ANKMY1: variants seen among roughly 807,000 people sequenced by gnomAD.
ANKMY1 encodes the protein ankyrin repeat and MYND domain-containing protein 1.
A neutral mutation model predicts 102.0 loss-of-function variants in ANKMY1; 98 were observed. The observed-to-expected ratio is 0.96, with a 90% CI of 0.82 to 1.14. The LOEUF is 1.14. ANKMY1 is among the 50% of genes most tolerant of loss of function. The probability of loss-of-function intolerance (pLI) is 0.00; values close to 1 mark genes in which losing one functional copy is unlikely to be tolerated. For synonymous variants in ANKMY1, 582 were observed against 559.9 expected (o/e 1.04, Z -0.56); for missense variants, 1,330 against 1,347.6 (o/e 0.99, Z 0.20).
chr2:240,525,545 T>C, intron 7 of ANKMY1, 140 bp downstream of exon 7: 1 of 1,105,284 alleles, frequency 9.0e-7, no homozygotes. Flanking sequence ...AGGCTCTGTC[T>C]CTCTTGCCCA....
chr2:240,542,780 G>A (rs1454791046), intron 4 of ANKMY1, among the ~76,000 whole-genome samples: 1 of 149,240 alleles, frequency 6.7e-6, no homozygotes, highest in African/African-American at 2.4e-5. Flanking sequence ...TACCAAGTTG[G>A]TTTATAAATA....
the ANKMY1 span, among the ~76,000 whole-genome samples, chr2:240,472,258 TCTACGGCCGCACGCGGGGAGGCAGGCCTA>T: frequency 1.6e-5 from 2 of 124,216 alleles, no homozygotes; most frequent in Non-Finnish European, 3.7e-5. Flanking sequence ...GGCCTACCAA[TCTACGGCCGCACGCGGGGAGGCAGGCCTA>T]CCAATCTACA....
intron 13 of ANKMY1, among the ~76,000 whole-genome samples, chr2:240,504,809 C>T (rs1344214384): frequency 6.6e-6 from 1 of 151,818 alleles, no homozygotes; most frequent in Non-Finnish European, 1.5e-5. Flanking sequence ...GAGTTCGAGA[C>T]CAGCCTGGCC....
intron 15 of ANKMY1, among the ~76,000 whole-genome samples, chr2:240,498,061 G>A (rs561367928): frequency 2.2e-4 from 30 of 139,458 alleles, no homozygotes; most frequent in African/African-American, 7.4e-4. Context: ...ACAAATGGAG[G>A]CCTCACCTTG....
intron 5 of ANKMY1, chr2:240,526,963 T>C: frequency 1.9e-6 from 2 of 1,045,032 alleles, no homozygotes; most frequent in African/African-American, 1.7e-5. Flanking sequence ...CTGTGCATTA[T>C]AGATGCTTCT....
chr2:240,538,761 T>A (rs112819073), intron 4 of ANKMY1, among the ~76,000 whole-genome samples: 1 of 152,082 alleles, frequency 6.6e-6, no homozygotes, highest in Non-Finnish European at 1.5e-5. Flanking sequence ...TGGAGAACTT[T>A]TGTGTCTAGC....
the ANKMY1 span, among the ~76,000 whole-genome samples, chr2:240,471,045 G>C: frequency 6.6e-6 from 1 of 151,904 alleles, no homozygotes; most frequent in African/African-American, 2.4e-5. Flanking sequence ...AAACCGCAAA[G>C]AAACGAAGTT....
At chr2:240,528,905 A>T in intron 5 of ANKMY1, 132 bp downstream of exon 5, 2 of 811,520 alleles carry the variant, frequency 2.5e-6, no homozygotes, top group Non-Finnish European at 4.0e-6. Flanking sequence ...TCAGTCACTT[A>T]ATGGGAGGAG....
intron 9 of ANKMY1, among the ~76,000 whole-genome samples, chr2:240,518,933 C>A (rs2081644143): frequency 6.6e-6 from 1 of 152,188 alleles, no homozygotes; most frequent in Non-Finnish European, 1.5e-5. Flanking sequence ...ACCCGCCTGC[C>A]CTCAAACACT....
intron 16 of ANKMY1, 28 bp from the exon 17 acceptor site, chr2:240,481,125 C>T (rs774072052): frequency 5.0e-6 from 8 of 1,596,448 alleles, no homozygotes; most frequent in Admixed American, 1.7e-5. Flanking sequence ...CGTCAGCAGG[C>T]GGCCACTCCA....
At chr2:240,530,755 A>T (rs1056124577) in intron 4 of ANKMY1, among the ~76,000 whole-genome samples, 4 of 152,072 alleles carry the variant, frequency 2.6e-5, no homozygotes, top group African/African-American at 9.7e-5. Context: ...TCCACAAAAA[A>T]ATTTACAAAT....
At chr2:240,548,035 C>A (rs181653530) in intron 4 of ANKMY1, among the ~76,000 whole-genome samples, 4,704 of 152,226 alleles carry the variant, frequency 0.031, 92 homozygotes, top group South Asian at 0.099. Context: ...CATCCTGATA[C>A]CAAAGCCGGG....
chr2:240,495,533 C>T lies in ANKMY1; in HGVS notation c.2806+4425G>A, dbSNP rs926555848. Among the ~76,000 whole-genome samples, 7 of 152,208 alleles carry T rather than the reference C, an allele frequency of 4.6e-5. No individual in the cohort carries two copies. The South Asian group carries it at 6.2e-4, about 13-fold the overall frequency. The stretch of plus-strand genomic sequence containing the variant: ...CTGTCTCTCCTCTCTCTCTCCACCT[C>T]GGCTGCCAAACAGGGAAGGGTCCCC... On this transcript the variant is annotated intron_variant, in intron 15 of 17. Coordinates refer to ENST00000401804, the MANE Select transcript of ANKMY1 (RefSeq NM_001282771.3).
rs763984945 is a variant in ANKMY1 at position 240,509,477 on chromosome 2, G to GT, written c.2287-23dup. ...CACACTGGGTGGGGAGAAATGACAG[G>GT]TTAGAGAGGCACCCCCACCCATAAG... On this transcript the variant is annotated intron_variant, in intron 11 of 17. Transcript: ENST00000401804. 5 of 1,557,420 alleles carry GT rather than the reference G, an allele frequency of 3.2e-6. No homozygotes were observed. In the East Asian group the frequency reaches 1.1e-4, roughly 35 times the overall value.
downstream of ANKMY1, chr2:240,479,343 T>A (rs550496859): frequency 3.7e-5 from 20 of 542,142 alleles, no homozygotes; most frequent in African/African-American, 3.6e-4. Context: ...CCAAGCAAGA[T>A]CAAAGCCAGG....
At chr2:240,495,303 C>T (rs1415755977) in intron 15 of ANKMY1, among the ~76,000 whole-genome samples, 5 of 152,172 alleles carry the variant, frequency 3.3e-5, no homozygotes, top group African/African-American at 7.2e-5. Context: ...ACTCCACCAC[C>T]TCTTGTGGAG....
intron 4 of ANKMY1, among the ~76,000 whole-genome samples, chr2:240,545,112 T>G (rs866330947): frequency 3.3e-5 from 5 of 149,918 alleles, no homozygotes; most frequent in Middle Eastern, 3.4e-3. Flanking sequence ...TGTCCCTGTC[T>G]GACAGCTTTG....
Position 240,537,311 on chromosome 2 carries a change from G to A in ANKMY1, c.481-7802C>T, listed in dbSNP as rs144455996. Among the ~76,000 whole-genome samples the A allele has an allele frequency of 4.9e-3, 746 of 152,056 alleles. 11 individuals carry two copies. The highest frequency in any genetic ancestry group is 0.017 in the African/African-American group (697 of 41,456). The stretch of plus-strand genomic sequence containing the variant: ...TCATAAGTTCCATAATGTGACCCTC[G>A]CCTATTGTCTTCATGTTCGTAGGAT... On this transcript the variant is annotated intron_variant, in intron 4 of 17. Transcript: ENST00000401804.
downstream of ANKMY1, among the ~76,000 whole-genome samples, chr2:240,476,683 A>G (rs939177223): frequency 6.6e-6 from 1 of 152,240 alleles, no homozygotes; most frequent in Non-Finnish European, 1.5e-5. Flanking sequence ...GATCACGCCC[A>G]TTGTTTGGGG....
Sources: allele counts gnomAD v4.1 joint callset (sites outside exome capture counted in the v4.1 genomes callset), GRCh38; gene constraint gnomAD v4.1.1; transcripts MANE v1.5; gene names NCBI Gene and HGNC (gene_info 2026-07-23, HGNC 2026-07-21).